FAM81A: variants seen among roughly 807,000 people sequenced by gnomAD.
FAM81A encodes the protein family with sequence similarity 81 member A.
A neutral mutation model predicts 46.7 loss-of-function variants in FAM81A; 19 were observed. The observed-to-expected ratio is 0.41, with a 90% CI of 0.28 to 0.60. FAM81A has a LOEUF of 0.60. FAM81A is among the 20% of genes least tolerant of loss of function. FAM81A has a pLI of 0.34. For missense variants in FAM81A, 377 were observed against 453.5 expected (o/e 0.83, Z 1.53); for synonymous variants, 183 against 152.9 (o/e 1.20, Z -1.45).
At chr15:59,454,649 A>G (rs1364986021) in intron 1 of FAM81A, among the ~76,000 whole-genome samples, 1 of 151,948 alleles carries the variant, frequency 6.6e-6, no homozygotes, top group Non-Finnish European at 1.5e-5. Flanking sequence ...TTTTTGAGAC[A>G]GGGTCTTACT....
chr15:59,462,632 G>C (rs7166286), intron 3 of FAM81A, among the ~76,000 whole-genome samples: 118,693 of 152,080 alleles, frequency 0.78, 46,559 homozygotes, highest in East Asian at 0.85. Context: ...TCATCCCAAA[G>C]TGAGACTTTG....
intron 2 of FAM81A, among the ~76,000 whole-genome samples, chr15:59,414,956 C>T (rs1295170741): frequency 4.0e-5 from 6 of 151,710 alleles, no homozygotes; most frequent in African/African-American, 1.5e-4. Flanking sequence ...GCTGGGACTA[C>T]AGGCGTCCGC....
chr15:59,502,341 C>A (rs1403516284), intron 4 of FAM81A, among the ~76,000 whole-genome samples: 7 of 151,986 alleles, frequency 4.6e-5, no homozygotes, highest in Admixed American at 1.3e-4. Context: ...GCTCCCCCCC[C>A]AACAACAGTC....
chr15:59,406,885 G>GTTTT (rs35428955), intron 2 of FAM81A: 2 of 138,022 alleles, frequency 1.4e-5, no homozygotes, highest in Non-Finnish European at 3.2e-5. Flanking sequence ...TGGAGGGAAA[G>GTTTT]TTTTTTTTTT....
intron 2 of FAM81A, among the ~76,000 whole-genome samples, chr15:59,402,966 A>G (rs973701778): frequency 6.6e-6 from 1 of 152,326 alleles, no homozygotes; most frequent in East Asian, 1.9e-4. Context: ...TTGTTACTAC[A>G]GTGAACTGAG....
chr15:59,457,434 A>C (rs1300488361), intron 1 of FAM81A, among the ~76,000 whole-genome samples: 1 of 152,250 alleles, frequency 6.6e-6, no homozygotes, highest in Non-Finnish European at 1.5e-5. Context: ...GTGCAAGAGC[A>C]CTGTGCCTAA....
chr15:59,410,146 A>G (rs1359438108), intron 2 of FAM81A, among the ~76,000 whole-genome samples: 1 of 152,058 alleles, frequency 6.6e-6, no homozygotes, highest in African/African-American at 2.4e-5. Context: ...TAAAAATACA[A>G]ATTTGTCAGG....
At chr15:59,503,761 T>C (rs1264540946) in intron 4 of FAM81A, among the ~76,000 whole-genome samples, 3 of 152,052 alleles carry the variant, frequency 2.0e-5, no homozygotes, top group Non-Finnish European at 4.4e-5. Context: ...TTAGTAGAGA[T>C]GGGGTTTTCC....
chr15:59,488,428 G>C (rs866670729), intron 3 of FAM81A, among the ~76,000 whole-genome samples: 1 of 152,100 alleles, frequency 6.6e-6, no homozygotes, highest in Middle Eastern at 3.4e-3. Flanking sequence ...AGAGCAATCA[G>C]ACAAAAGAAA....
At chr15:59,479,036 A>G (rs1374138691) in intron 3 of FAM81A, among the ~76,000 whole-genome samples, 1 of 152,250 alleles carries the variant, frequency 6.6e-6, no homozygotes, top group African/African-American at 2.4e-5. Context: ...ACTAACAGCC[A>G]GGCATTGTTA....
intron 1 of FAM81A, among the ~76,000 whole-genome samples, chr15:59,455,885 A>G (rs1398845840): frequency 1.3e-5 from 2 of 152,188 alleles, no homozygotes; most frequent in East Asian, 1.9e-4. Flanking sequence ...CTTTTTAACT[A>G]AAGTATATTG....
At chr15:59,484,592 G>T (rs1596515812) in intron 3 of FAM81A, among the ~76,000 whole-genome samples, 2 of 152,172 alleles carry the variant, frequency 1.3e-5, no homozygotes, top group Non-Finnish European at 2.9e-5. Flanking sequence ...CATTGTTTTG[G>T]AATGCAGGGC....
rs760267501 is a variant in FAM81A at position 59,522,266 on chromosome 15, T to C, written c.*888T>C. 3 of 152,670 alleles carry C rather than the reference T, an allele frequency of 2.0e-5. No homozygotes were observed. The highest frequency in any genetic ancestry group is 4.4e-5 in the Non-Finnish European group (3 of 68,042). The allele number at this position is 152,670 out of a possible 1,614,324, so 9.5% of individuals were successfully genotyped here. A position where few individuals can be genotyped will look rare whatever the true frequency, so the allele number is the denominator to read the frequency against. On this transcript the variant is annotated 3_prime_UTR_variant, in exon 9 of 9. Transcript: ENST00000288228. ...AAGTGCTAGGGTTTATATACACTTA[T>C]CGTAACTGTATTTTTGTGCCTTGGT...
chr15:59,434,014 C>G (rs2081232527), upstream of FAM81A, among the ~76,000 whole-genome samples: 1 of 152,158 alleles, frequency 6.6e-6, no homozygotes, highest in Admixed American at 6.5e-5. Flanking sequence ...TGCCACCATG[C>G]CCGGCTAGCT....
In FAM81A at chr15:59,443,996, C is replaced by T. The variant is rs1378518235; in HGVS notation, c.-78+5714C>T. 2.6e-5 allele frequency: 4 copies of T among 152,356 alleles called. No homozygotes were observed. The East Asian group carries it at 7.7e-4, about 29-fold the overall frequency. 9.4% of individuals were successfully genotyped at this position (152,356 alleles called of 1,614,324 possible). On this transcript the variant is annotated intron_variant, in intron 1 of 8. Coordinates refer to ENST00000288228, the MANE Select transcript of FAM81A (RefSeq NM_152450.3). Reference sequence around the variant, plus strand: ...ATCATTTACCCCTTTGAATATCAGACTCAAATGCCTGCTCCTCAAGTGCTT... The same window carrying T: ...ATCATTTACCCCTTTGAATATCAGATTCAAATGCCTGCTCCTCAAGTGCTT...
chr15:59,441,864 C>G (rs140646627), intron 1 of FAM81A, among the ~76,000 whole-genome samples: 147 of 152,306 alleles, frequency 9.7e-4, no homozygotes, highest in African/African-American at 3.2e-3. Flanking sequence ...TCCCTTCCCC[C>G]TGCCCCAGCC....
Position 59,519,580 on chromosome 15 carries a change from C to T in FAM81A, c.983-1674C>T, listed in dbSNP as rs141023387. Reference sequence around the variant, plus strand: ...TTTCCTTTCCCTTCCCTTCCCTTCCCTTCCTTTCCCTTCCCCTCCCCTCCC... The same window carrying T: ...TTTCCTTTCCCTTCCCTTCCCTTCCTTTCCTTTCCCTTCCCCTCCCCTCCC... On this transcript the variant is annotated intron_variant, in intron 8 of 8. Transcript: ENST00000288228. 8.0e-3 allele frequency among the ~76,000 whole-genome samples: 1,186 copies of T among 147,764 alleles called. 14 individuals are homozygous for T. The highest frequency in any genetic ancestry group is 0.027 in the African/African-American group (1,105 of 40,270).
At position 59,430,991 on chromosome 15, in the gene FAM81A, T is replaced by G. The variant is rs758590885; in HGVS notation, c.-77-27559T>G. 6.6e-4 allele frequency among the ~76,000 whole-genome samples: 101 copies of G among 152,328 alleles called. 1 individual carries two copies. The highest frequency in any genetic ancestry group is 9.7e-4 in the Non-Finnish European group (66 of 68,032). The stretch of plus-strand genomic sequence containing the variant: ...GGACATTAGTAAATAAATGTGTATG[T>G]TAAACATAATAAATAATATAAATAA... On this transcript the variant is annotated intron_variant, in intron 2 of 4. Coordinates refer to the FAM81A transcript ENST00000558348.
rs376042933 is a variant in FAM81A at position 59,497,983 on chromosome 15, A to G, written c.413+5594A>G. ...GCAATCCTCCCACCTCAGCTTCCTG[A>G]GTAGCTGGGACTACAGGCATGTGCC... On this transcript the variant is annotated intron_variant, in intron 4 of 8. Coordinates refer to ENST00000288228, the MANE Select transcript of FAM81A (RefSeq NM_152450.3). Among the ~76,000 whole-genome samples the G allele has an allele frequency of 2.6e-5, 4 of 152,296 alleles. No homozygotes were observed. In the East Asian group the frequency reaches 7.7e-4, roughly 29 times the overall value.
Sources: allele counts gnomAD v4.1 joint callset (sites outside exome capture counted in the v4.1 genomes callset), GRCh38; gene constraint gnomAD v4.1.1; transcripts MANE v1.5; gene names NCBI Gene and HGNC (gene_info 2026-07-23, HGNC 2026-07-21).